Variants in IL1RAPL1 observed in about 807,000 individuals in gnomAD.
The protein encoded by IL1RAPL1 is interleukin-1 receptor accessory protein-like 1.
A neutral mutation model predicts 48.4 loss-of-function variants in IL1RAPL1; 3 were observed. The observed-to-expected ratio is 0.06, with a 90% confidence interval of 0.03 to 0.16. The LOEUF (loss-of-function observed/expected upper bound fraction) is 0.16. Ranked by LOEUF, IL1RAPL1 falls within the 10% of genes least tolerant of loss-of-function variation. The pLI is 1.00. For synonymous variants in IL1RAPL1, 185 were observed against 187.7 expected (o/e 0.99, Z 0.12); for missense variants, 349 against 530.6 (o/e 0.66, Z 3.36).
At chrX:28,751,685 C>T (rs909276015) in intron 1 of IL1RAPL1, among the ~76,000 whole-genome samples, 5 of 112,038 alleles carry the variant, frequency 4.5e-5, no homozygotes, top group African/African-American at 9.7e-5. Flanking sequence ...TGTCAGTCTT[C>T]GGTAGTTGCT....
chrX:28,792,811 AAAAAAATATATATATATATAT>A (rs1936559149), intron 2 of IL1RAPL1, among the ~76,000 whole-genome samples: 1 of 40,696 alleles, frequency 2.5e-5, no homozygotes, highest in Non-Finnish European at 4.2e-5. Context: ...AAAAAAAAAA[AAAAAAATATATATATATATAT>A]ATATATATAT....
At chrX:29,909,674 C>T (rs1318200120) in intron 6 of IL1RAPL1, among the ~76,000 whole-genome samples, 1 of 111,962 alleles carries the variant, frequency 8.9e-6, no homozygotes, top group Non-Finnish European at 1.9e-5. Flanking sequence ...ATTCCACACT[C>T]ATAGATAAAA....
intron 5 of IL1RAPL1, among the ~76,000 whole-genome samples, chrX:29,439,851 G>GTTTTTTTTTTTTTTTTTTTTTTTT (rs760458968): frequency 5.0e-5 from 3 of 59,863 alleles, no homozygotes; most frequent in East Asian, 6.3e-4. Context: ...TGTTTGTTTG[G>GTTTTTTTTTTTTTTTTTTTTTTTT]TTTTTTTTTT....
chrX:29,408,753 G>A (rs1207312304), intron 5 of IL1RAPL1, among the ~76,000 whole-genome samples: 1 of 111,844 alleles, frequency 8.9e-6, no homozygotes, highest in Non-Finnish European at 1.9e-5. Context: ...TCTTTTAATG[G>A]ATGAGGAAGC....
chrX:29,954,188 A>T (rs1013279950), intron 9 of IL1RAPL1, among the ~76,000 whole-genome samples: 4 of 96,820 alleles, frequency 4.1e-5, no homozygotes, highest in Non-Finnish European at 8.1e-5. Flanking sequence ...GTGAGCCAAG[A>T]TCACGCCACT....
chrX:29,888,682 C>T (rs902745082), intron 6 of IL1RAPL1, among the ~76,000 whole-genome samples: 1 of 110,613 alleles, frequency 9.0e-6, no homozygotes, highest in Non-Finnish European at 1.9e-5. Context: ...TGAAAAATTC[C>T]TCGCCAACTA....
At chrX:29,476,019 A>T (rs1934969774) in intron 5 of IL1RAPL1, among the ~76,000 whole-genome samples, 1 of 111,774 alleles carries the variant, frequency 8.9e-6, no homozygotes, top group Non-Finnish European at 1.9e-5. Context: ...GCTATACTCA[A>T]GTACTGAAGC....
chrX:28,976,089 G>T (rs1345174134), intron 2 of IL1RAPL1, among the ~76,000 whole-genome samples: 2 of 112,351 alleles, frequency 1.8e-5, no homozygotes, highest in Non-Finnish European at 3.8e-5. Context: ...TAAGTTAAAA[G>T]ATTGATAGTT....
At chrX:28,798,180 A>G (rs765004894) in intron 2 of IL1RAPL1, among the ~76,000 whole-genome samples, 2 of 111,309 alleles carry the variant, frequency 1.8e-5, no homozygotes, top group South Asian at 3.9e-4. Context: ...CAGCCAAACC[A>G]TATCAATGTT....
At chrX:29,363,158 T>C (rs889668363) in intron 3 of IL1RAPL1, among the ~76,000 whole-genome samples, 2 of 111,787 alleles carry the variant, frequency 1.8e-5, no homozygotes, top group Admixed American at 1.9e-4. Flanking sequence ...TGAAGTATTT[T>C]GTATGCCACA....
intron 2 of IL1RAPL1, among the ~76,000 whole-genome samples, chrX:28,954,974 G>A (rs925359444): frequency 1.8e-5 from 2 of 111,676 alleles, no homozygotes; most frequent in Non-Finnish European, 3.8e-5. Flanking sequence ...TATGCTACAC[G>A]TAAACAGTAA....
At chrX:29,489,355 G>A (rs1935131343) in intron 5 of IL1RAPL1, among the ~76,000 whole-genome samples, 1 of 111,587 alleles carries the variant, frequency 9.0e-6, no homozygotes, top group Non-Finnish European at 1.9e-5. Flanking sequence ...GAAAGGCAAG[G>A]GGGTAAAAGG....
At chrX:28,831,034 G>T in intron 2 of IL1RAPL1, among the ~76,000 whole-genome samples, 1 of 40,000 alleles carries the variant, frequency 2.5e-5, no homozygotes, top group African/African-American at 1.7e-4. Context: ...CTCTGTGTGT[G>T]TGTGTGTGTG....
chrX:29,821,045 A>G (rs752118863), intron 6 of IL1RAPL1, among the ~76,000 whole-genome samples: 1 of 112,071 alleles, frequency 8.9e-6, no homozygotes, highest in African/African-American at 3.2e-5. Context: ...TGACATATTG[A>G]AGTTTTGTGA....
At chrX:28,965,993 A>T (rs1378559528) in intron 2 of IL1RAPL1, among the ~76,000 whole-genome samples, 21 of 111,832 alleles carry the variant, frequency 1.9e-4, no homozygotes, top group Non-Finnish European at 1.5e-4. Context: ...GAAATGGGTT[A>T]GATGGTGGGG....
chrX:29,853,195 A>G (rs1275589019), intron 6 of IL1RAPL1, among the ~76,000 whole-genome samples: 4 of 108,469 alleles, frequency 3.7e-5, no homozygotes, highest in Non-Finnish European at 7.7e-5. Flanking sequence ...TGGCTTTAAA[A>G]AAAAAAAAAA....
chrX:28,958,753 G>A (rs1924685155), intron 2 of IL1RAPL1, among the ~76,000 whole-genome samples: 1 of 111,381 alleles, frequency 9.0e-6, no homozygotes, highest in African/African-American at 3.3e-5. Context: ...GGAGCAGATG[G>A]GGCTGAATGT....
chrX:28,965,724 A>G, intron 2 of IL1RAPL1, among the ~76,000 whole-genome samples: 1 of 112,103 alleles, frequency 8.9e-6, no homozygotes, highest in African/African-American at 3.2e-5. Flanking sequence ...TAAAAATAAT[A>G]AAGCAATCTG....
chrX:28,588,303 G>A (rs970056554), intron 1 of IL1RAPL1, among the ~76,000 whole-genome samples: 2 of 109,088 alleles, frequency 1.8e-5, no homozygotes, highest in Non-Finnish European at 3.8e-5. Context: ...GAGTGCAATT[G>A]AAAATCAAAG....
Sources: allele counts gnomAD v4.1 joint callset (sites outside exome capture counted in the v4.1 genomes callset), GRCh38; gene constraint gnomAD v4.1.1; transcripts MANE v1.5; gene names NCBI Gene and HGNC (gene_info 2026-07-23, HGNC 2026-07-21).